Variants in SORCS1 observed in about 807,000 individuals in gnomAD.
The protein encoded by SORCS1 is sortilin related VPS10 domain containing receptor 1.
Under a neutral mutation model 146.1 loss-of-function variants are expected in SORCS1, and 60 were observed. The observed-to-expected ratio is 0.41, with a 90% CI of 0.33 to 0.51. The LOEUF (loss-of-function observed/expected upper bound fraction) is 0.51. Among genes scored for constraint, SORCS1 ranks in the 20% least tolerant of loss-of-function variants. The probability of loss-of-function intolerance (pLI) is 0.21; values close to 1 mark genes in which losing one functional copy is unlikely to be tolerated. For synonymous variants in SORCS1, 637 were observed against 584.0 expected, an observed-to-expected ratio of 1.09 and a Z score of -1.31; for missense variants, 1,352 against 1,487.6, an observed-to-expected ratio of 0.91 and a Z score of 1.50.
Position 106,774,347 on chromosome 10 carries a change from C to T in SORCS1, c.885+2187G>A, listed in dbSNP as rs114556583. ...TCTGGATGCAAATTTCTGAAGGCTC[C>T]TAATTAAGGAAACAAAAATTAGTTT... On this transcript the variant is annotated intron_variant, in intron 4 of 25. Coordinates refer to ENST00000263054, the MANE Select transcript of SORCS1 (RefSeq NM_052918.5). 3.0e-3 allele frequency among the ~76,000 whole-genome samples: 463 copies of T among 151,922 alleles called. 1 individual carries two copies. The highest frequency in any genetic ancestry group is 0.014 in the Middle Eastern group (4 of 294).
At chr10:106,758,951 A>G (rs1476743712) in intron 5 of SORCS1, among the ~76,000 whole-genome samples, 2 of 152,228 alleles carry the variant, frequency 1.3e-5, no homozygotes, top group Admixed American at 6.5e-5. Context: ...AAAAAGTGGT[A>G]TCTTACCATA....
intron 2 of SORCS1, among the ~76,000 whole-genome samples, chr10:106,904,843 GA>G (rs1287431166): frequency 6.6e-6 from 1 of 152,066 alleles, no homozygotes; most frequent in Non-Finnish European, 1.5e-5. Flanking sequence ...CTAACTTCAA[GA>G]AGTCAAATTA....
At chr10:106,982,313 A>C (rs1195083259) in intron 1 of SORCS1, among the ~76,000 whole-genome samples, 1 of 152,194 alleles carries the variant, frequency 6.6e-6, no homozygotes. Flanking sequence ...CATATAGCTA[A>C]GTAAATATTG....
At chr10:106,825,160 G>A (rs954983011) in intron 3 of SORCS1, among the ~76,000 whole-genome samples, 1 of 152,062 alleles carries the variant, frequency 6.6e-6, no homozygotes, top group Non-Finnish European at 1.5e-5. Flanking sequence ...TTAGTTGGGG[G>A]TGATGGGAAA....
chr10:106,715,582 T>C (rs1346255666), intron 6 of SORCS1, among the ~76,000 whole-genome samples: 1 of 152,176 alleles, frequency 6.6e-6, no homozygotes, highest in Non-Finnish European at 1.5e-5. Flanking sequence ...AGTTATGACA[T>C]TTGATGACCT....
chr10:107,149,650 G>T (rs1456201655), intron 1 of SORCS1, among the ~76,000 whole-genome samples: 1 of 152,178 alleles, frequency 6.6e-6, no homozygotes, highest in Non-Finnish European at 1.5e-5. Flanking sequence ...GTGTTGGTTG[G>T]GTGAAGATTT....
At chr10:106,779,722 A>G (rs1230457416) in intron 3 of SORCS1, among the ~76,000 whole-genome samples, 2 of 152,040 alleles carry the variant, frequency 1.3e-5, no homozygotes, top group Non-Finnish European at 2.9e-5. Flanking sequence ...CCCTGACCTC[A>G]GGTGATCTGC....
chr10:106,664,597 G>A (rs920379902), intron 17 of SORCS1, among the ~76,000 whole-genome samples: 24 of 152,180 alleles, frequency 1.6e-4, no homozygotes, highest in African/African-American at 4.1e-4. Context: ...AGCCGAGATC[G>A]TGCCACTGCA....
chr10:107,169,142 T>C (rs10884426), upstream of SORCS1, among the ~76,000 whole-genome samples: 34,663 of 152,098 alleles, frequency 0.23, 4,033 homozygotes, highest in African/African-American at 0.27. Flanking sequence ...CTCTTGATTT[T>C]TGATGGCTAC....
intron 1 of SORCS1, among the ~76,000 whole-genome samples, chr10:107,011,004 G>GT (rs1957674955): frequency 6.6e-6 from 1 of 152,190 alleles, no homozygotes. Context: ...TCAACATGCT[G>GT]TAAGATCTGC....
intron 2 of SORCS1, among the ~76,000 whole-genome samples, chr10:106,919,751 T>C (rs1310020916): frequency 6.6e-6 from 1 of 152,234 alleles, no homozygotes; most frequent in Non-Finnish European, 1.5e-5. Flanking sequence ...CTTTTTTCTA[T>C]AGATTGGGAG....
intron 17 of SORCS1, among the ~76,000 whole-genome samples, chr10:106,663,618 G>A (rs559762926): frequency 6.6e-6 from 1 of 152,312 alleles, no homozygotes; most frequent in East Asian, 1.9e-4. Context: ...CATCTGTGGT[G>A]AGGGGCTGAA....
At chr10:106,957,155 G>GTTTTTTTTTTTGTT (rs373309411) in intron 1 of SORCS1, among the ~76,000 whole-genome samples, 1 of 136,430 alleles carries the variant, frequency 7.3e-6, no homozygotes, top group African/African-American at 3.0e-5. Context: ...TTAGCATGTG[G>GTTTTTTTTTTTGTT]TTTTTTTTTG....
chr10:106,786,074 T>A (rs1400200232), intron 3 of SORCS1, among the ~76,000 whole-genome samples: 1 of 152,198 alleles, frequency 6.6e-6, no homozygotes, highest in Non-Finnish European at 1.5e-5. Flanking sequence ...TTTTCATGAC[T>A]GCATATTCTA....
chr10:106,850,563 G>T (rs1468124689), intron 2 of SORCS1, among the ~76,000 whole-genome samples: 1 of 152,120 alleles, frequency 6.6e-6, no homozygotes. Flanking sequence ...GCTCACGCTG[G>T]GAGCTGTAGA....
intron 2 of SORCS1, among the ~76,000 whole-genome samples, chr10:106,831,348 G>T (rs575333064): frequency 6.6e-6 from 1 of 152,148 alleles, no homozygotes; most frequent in East Asian, 1.9e-4. Context: ...ACCAGACAGT[G>T]TTGCTAAGTG....
chr10:106,967,655 G>A (rs907236590), intron 1 of SORCS1, among the ~76,000 whole-genome samples: 6 of 152,166 alleles, frequency 3.9e-5, no homozygotes, highest in Admixed American at 3.3e-4. Flanking sequence ...AGGAAACCAC[G>A]TAGCATATCT....
intron 3 of SORCS1, among the ~76,000 whole-genome samples, chr10:106,823,589 T>C (rs565573094): frequency 1.3e-5 from 2 of 152,326 alleles, no homozygotes; most frequent in South Asian, 2.1e-4. Context: ...CGTTAAAGAA[T>C]ACATAACTGA....
intron 4 of SORCS1, among the ~76,000 whole-genome samples, 184 bp from the exon 5 acceptor site, chr10:106,761,845 A>ATTG (rs1859135736): frequency 6.6e-6 from 1 of 152,260 alleles, no homozygotes; most frequent in Non-Finnish European, 1.5e-5. Context: ...AGTCAGACTA[A>ATTG]TATCATCATT....
Sources: allele counts gnomAD v4.1 joint callset (sites outside exome capture counted in the v4.1 genomes callset), GRCh38; gene constraint gnomAD v4.1.1; transcripts MANE v1.5; gene names NCBI Gene and HGNC (gene_info 2026-07-23, HGNC 2026-07-21).